Variants in SLC22A7 observed in about 807,000 individuals in gnomAD.
The protein encoded by SLC22A7 is hOAT2.
Under a neutral mutation model 62.2 loss-of-function variants are expected in SLC22A7, and 48 were observed. The observed-to-expected ratio is 0.77, with a 90% CI of 0.61 to 0.98. SLC22A7 has a LOEUF of 0.98. SLC22A7 is among the 50% of genes least tolerant of loss of function. The probability of loss-of-function intolerance (pLI) is 0.00; values close to 1 mark genes in which losing one functional copy is unlikely to be tolerated. For synonymous variants in SLC22A7, 276 were observed against 314.8 expected (o/e 0.88, Z 1.30); for missense variants, 581 against 703.8 (o/e 0.83, Z 1.97).
intron 5 of SLC22A7, among the ~76,000 whole-genome samples, chr6:43,300,920 G>A (rs1778719565): frequency 1.3e-5 from 2 of 152,242 alleles, no homozygotes; most frequent in African/African-American, 4.8e-5. Flanking sequence ...TTACAGGCAT[G>A]GGCCATTGCA....
intron 1 of SLC22A7, 31 bp downstream of exon 1, chr6:43,298,782 G>C (rs199669031): frequency 2.5e-4 from 384 of 1,516,694 alleles, no homozygotes; most frequent in Non-Finnish European, 3.1e-4. Context: ...AGAGACATGT[G>C]AGAGGGATGG....
Position 43,302,810 on chromosome 6 carries a change from C to T in SLC22A7, c.1385+47C>T, listed in dbSNP as rs757132086. The T allele has an allele frequency of 3.2e-6, 4 of 1,255,442 alleles. No individual in the cohort carries two copies. Among genetic ancestry groups the T allele is most frequent in the Admixed American group, 1.9e-5 (1 of 53,222 alleles). 77.8% of individuals were successfully genotyped at this position (1,255,442 alleles called of 1,614,324 possible). On this transcript the variant is annotated intron_variant, in intron 9 of 10. Transcript: ENST00000372585. This position sits in a 1 kb window ranked among gnomAD's most constrained non-coding sequence, Gnocchi z 5.0. Reference sequence around the variant, plus strand: ...CTGGGGGTATGGGGCTTGTTAGTCACGTGTCTTAACCAACACTTCTACATA... The same window carrying T: ...CTGGGGGTATGGGGCTTGTTAGTCATGTGTCTTAACCAACACTTCTACATA...
At position 43,302,900 on chromosome 6, in the gene SLC22A7, T is replaced by C; in HGVS notation, c.1385+137T>C. 1 of 682,954 alleles carries C rather than the reference T, an allele frequency of 1.5e-6. No homozygotes were observed. Among genetic ancestry groups the C allele is most frequent in the Non-Finnish European group, 2.4e-6 (1 of 410,726 alleles). 42.3% of individuals were successfully genotyped at this position (682,954 alleles called of 1,614,324 possible). A position where few individuals can be genotyped will look rare whatever the true frequency, so the allele number is the denominator to read the frequency against. On this transcript the variant is annotated intron_variant, in intron 9 of 10. Coordinates refer to ENST00000372585, the MANE Select transcript of SLC22A7 (RefSeq NM_153320.2). The surrounding 1 kb of genome is among the most constrained non-coding windows in gnomAD (Gnocchi z 5.0). Reference sequence around the variant, plus strand: ...ATTTTAATTTTTGGTAGAGACGGGGTCTTGCTATATTACCCAGACTGGTCT... The same window carrying C: ...ATTTTAATTTTTGGTAGAGACGGGGCCTTGCTATATTACCCAGACTGGTCT...
intron 6 of SLC22A7, 133 bp downstream of exon 6, chr6:43,301,391 CTT>C: frequency 5.2e-6 from 7 of 1,348,774 alleles, no homozygotes; most frequent in Non-Finnish European, 7.2e-6. Context: ...GTTCCGAACT[CTT>C]TAGGATGTCC....
In SLC22A7 at chr6:43,304,083, C is replaced by G; in HGVS notation, c.1431C>G (p.Gly477=). 10 of 1,594,818 alleles carry G rather than the reference C, an allele frequency of 6.3e-6. No individual in the cohort carries two copies. Among genetic ancestry groups the G allele is most frequent in the African/African-American group, 1.3e-5 (1 of 74,528 alleles). The change falls in exon 10 of 11, where the codon GGC becomes GGG. Residue 477 remains glycine, a synonymous_variant. Coordinates refer to ENST00000372585, the MANE Select transcript of SLC22A7 (RefSeq NM_153320.2). ...GLTALVGRLG[G]SLAPLAALLD... ...CTGCACTGGTGGGCCGGCTGGGGGG[C>G]TCTTTGGCCCCACTGGCGGCCTTGC... is the stretch of plus-strand genomic sequence containing the variant.
rs143334634 is a variant in SLC22A7, at chr6:43,304,176, C to A, written c.1524C>A (p.Thr508=). 1.2e-6 allele frequency: 2 copies of A among 1,600,302 alleles called. No individual in the cohort carries two copies. Among genetic ancestry groups the A allele is most frequent in the Non-Finnish European group, 1.7e-6 (2 of 1,172,088 alleles). ...YGGIALLAAG[T]ALLLPETRQA... The stretch of plus-strand genomic sequence containing the variant: ...GGATCGCCCTGCTGGCTGCCGGCAC[C>A]GCCCTCCTGCTGCCAGAGACGAGGC... The change falls in exon 10 of 11, where the codon ACC becomes ACA. Residue 508 remains threonine, a synonymous_variant. Coordinates refer to ENST00000372585, the MANE Select transcript of SLC22A7 (RefSeq NM_153320.2).
At chr6:43,298,131 T>C, upstream of SLC22A7, 1 of 537,728 alleles carries the variant, frequency 1.9e-6, no homozygotes, top group Admixed American at 3.4e-5. Context: ...TCTGAATGGA[T>C]GGCTTCCCCT....
In SLC22A7 at chr6:43,301,657, G is replaced by A; in HGVS notation, c.1026G>A (p.Arg342=). ...PSYLDLFRTP[R]LRHISLCCVV... ...ACCTAGACCTGTTCCGCACACCACG[G>A]CTCCGACACATCTCACTGTGCTGCG... The change falls in exon 7 of 11, where the codon CGG becomes CGA. Residue 342 remains arginine (R), a synonymous_variant. Coordinates refer to ENST00000372585, the MANE Select transcript of SLC22A7 (RefSeq NM_153320.2). 2.5e-6 allele frequency: 4 copies of A among 1,613,900 alleles called. No individual in the cohort carries two copies. Among genetic ancestry groups the A allele is most frequent in the Non-Finnish European group, 3.4e-6 (4 of 1,179,884 alleles).
At chr6:43,296,180 C>T (rs1299496520), upstream of SLC22A7, among the ~76,000 whole-genome samples, 2 of 152,258 alleles carry the variant, frequency 1.3e-5, no homozygotes, top group African/African-American at 2.4e-5. Context: ...GCTGGGATTA[C>T]AGGCATGAGC....
intron 9 of SLC22A7, chr6:43,303,089 G>A: frequency 3.0e-6 from 3 of 984,376 alleles, no homozygotes; most frequent in Non-Finnish European, 3.6e-6. Flanking sequence ...CCCTAGTCTT[G>A]GAGAAGGCAG....
intron 5 of SLC22A7, among the ~76,000 whole-genome samples, chr6:43,300,350 G>C (rs1778696426): frequency 6.6e-6 from 1 of 152,138 alleles, no homozygotes; most frequent in African/African-American, 2.4e-5. Flanking sequence ...TTGGGGATAG[G>C]GGCAGGGCCA....
rs753995252 is a variant in SLC22A7, at chr6:43,299,115, C to A, written c.399+18C>A. The A allele has an allele frequency of 1.9e-6, 3 of 1,613,464 alleles. No homozygotes were observed. Among genetic ancestry groups the A allele is most frequent in the Admixed American group, 3.3e-5 (2 of 59,924 alleles). On this transcript the variant is annotated intron_variant, in intron 2 of 10. Transcript: ENST00000372585. The surrounding 1 kb of genome is among the most constrained non-coding windows in gnomAD (Gnocchi z 4.4). ...AGTCCCAGGTCGGTATTTACATAAT[C>A]CATCTGGAGGTGGAATGTCGGTGGA...
Position 43,302,583 on chromosome 6 carries a change from T to A in SLC22A7, c.1277-72T>A. On this transcript the variant is annotated intron_variant, in intron 8 of 10. Coordinates refer to ENST00000372585, the MANE Select transcript of SLC22A7 (RefSeq NM_153320.2). The surrounding 1 kb of genome is among the most constrained non-coding windows in gnomAD (Gnocchi z 5.0). ...CTTAAGTTTGGCCCACTCTGGAGAC[T>A]CCGCACCCTATCCAGAACACCCCTG... is the stretch of plus-strand genomic sequence containing the variant. 1 of 1,285,236 alleles carries A rather than the reference T, an allele frequency of 7.8e-7. No homozygotes were observed. The highest frequency in any genetic ancestry group is 1.1e-6 in the Non-Finnish European group (1 of 909,938). The allele number at this position is 1,285,236 out of a possible 1,614,324, so 79.6% of individuals were successfully genotyped here. A position where few individuals can be genotyped will look rare whatever the true frequency, so the allele number is the denominator to read the frequency against.
chr6:43,302,140 A>C lies in SLC22A7; in HGVS notation c.1062-60A>C. 4.9e-6 allele frequency: 7 copies of C among 1,428,848 alleles called. No individual in the cohort carries two copies. The highest frequency in any genetic ancestry group is 6.7e-6 in the Non-Finnish European group (7 of 1,048,842). 88.5% of individuals were successfully genotyped at this position (1,428,848 alleles called of 1,614,324 possible). ...TGTAAAATGCCAAGTCTTCCTGAGA[A>C]GAGAGGCCAAAGAGGGATGGGAAGG... On this transcript the variant is annotated intron_variant, in intron 7 of 10. Transcript: ENST00000372585. This position sits in a 1 kb window ranked among gnomAD's most constrained non-coding sequence, Gnocchi z 5.0.
At chr6:43,301,288 T>C in intron 6 of SLC22A7, 30 bp downstream of exon 6, 1 of 1,613,136 alleles carries the variant, frequency 6.2e-7, no homozygotes, top group Non-Finnish European at 8.5e-7. Flanking sequence ...TGAGCATGCA[T>C]ATATGTGTGT....
In SLC22A7 at chr6:43,299,640, C is replaced by T. The variant is rs373767481; in HGVS notation, c.517C>T (p.Arg173Cys). ...GYLSDRFGRR[R>C]LLLVAYVSTL... ...ACCCCTTTGCAGGTTTGGGCGGCGGCGTCTGCTGCTGGTAGCCTACGTGAG... is the reference window on the plus strand; with the variant it reads ...ACCCCTTTGCAGGTTTGGGCGGCGGTGTCTGCTGCTGGTAGCCTACGTGAG... Residue 173 changes from arginine to cysteine, a missense_variant, in exon 4 of 11, where the codon CGT becomes TGT. Arg to Cys is a radical substitution (Grantham distance 180, BLOSUM62 -3). Transcript: ENST00000372585. This position sits in a 1 kb window ranked among gnomAD's most constrained non-coding sequence, Gnocchi z 4.4. 15 of 1,614,150 alleles carry T rather than the reference C, an allele frequency of 9.3e-6. No homozygotes were observed. The highest frequency in any genetic ancestry group is 2.7e-5 in the African/African-American group (2 of 75,046).
At chr6:43,300,125 C>T in intron 5 of SLC22A7, 59 bp downstream of exon 5, 1 of 1,552,808 alleles carries the variant, frequency 6.4e-7, no homozygotes, top group Non-Finnish European at 8.8e-7. Flanking sequence ...TGAGATTAAT[C>T]AGAGCCTGAG....
rs752628075 is a variant in SLC22A7, at chr6:43,299,246, C to T, written c.400-144C>T. On this transcript the variant is annotated intron_variant, in intron 2 of 10. Coordinates refer to ENST00000372585, the MANE Select transcript of SLC22A7 (RefSeq NM_153320.2). This position sits in a 1 kb window ranked among gnomAD's most constrained non-coding sequence, Gnocchi z 4.4. ...TCCTATTCCCCAAGCTGGCGTGAAT[C>T]GTTGGGAGGTTTATTATCTGGCATG... is the stretch of plus-strand genomic sequence containing the variant. The T allele has an allele frequency of 5.6e-5, 90 of 1,608,778 alleles. No individual in the cohort carries two copies. Among genetic ancestry groups the T allele is most frequent in the Non-Finnish European group, 6.2e-5 (73 of 1,177,324 alleles).
At position 43,302,627 on chromosome 6, in the gene SLC22A7, C is replaced by T. The variant is rs1417074223; in HGVS notation, c.1277-28C>T. The T allele has an allele frequency of 6.5e-7, 1 of 1,535,994 alleles. No individual in the cohort carries two copies. Among genetic ancestry groups the T allele is most frequent in the South Asian group, 1.2e-5 (1 of 86,258 alleles). On this transcript the variant is annotated intron_variant, in intron 8 of 10. Transcript: ENST00000372585. The surrounding 1 kb of genome is among the most constrained non-coding windows in gnomAD (Gnocchi z 5.0). ...ACCCCTGGCTCTCCTCCAAGGCCCT[C>T]TCACTACCTGAACCCGCTTCCCTCC...
Sources: gnomAD v4.1 joint callset for allele counts (sites outside exome capture counted in the v4.1 genomes callset) on GRCh38, gnomAD v4.1.1 for gene constraint, Gnocchi (gnomAD v3.1) non-coding constraint, MANE v1.5 for transcripts, NCBI Gene and HGNC (gene_info 2026-07-23, HGNC 2026-07-21) for gene names.